Variants in AHDC1 observed in about 807,000 individuals in gnomAD.
The protein encoded by AHDC1 is transcription factor Gibbin.
AHDC1 carries 7 observed loss-of-function variants against 87.9 expected under a neutral mutation model. The observed-to-expected ratio is 0.08, with a 90% CI of 0.05 to 0.15. The LOEUF (loss-of-function observed/expected upper bound fraction) is 0.15, where lower values mean the gene tolerates loss of function less well. Ranked by LOEUF, AHDC1 falls within the 10% of genes least tolerant of loss-of-function variation. AHDC1 has a pLI of 1.00. For missense variants in AHDC1, 1,841 were observed against 2,253.2 expected (o/e 0.82, Z 3.70); for synonymous variants, 1,051 against 1,006.8 (o/e 1.04, Z -0.83).
chr1:27,543,176 A>G (rs2019005297), intron 8 of AHDC1, among the ~76,000 whole-genome samples: 1 of 152,240 alleles, frequency 6.6e-6, no homozygotes, highest in Admixed American at 6.5e-5. Context: ...TCTTGGCCTC[A>G]GGTCAGGCCT....
chr1:27,584,676 T>C (rs1371695469), intron 3 of AHDC1, among the ~76,000 whole-genome samples: 1 of 152,130 alleles, frequency 6.6e-6, no homozygotes, highest in East Asian at 1.9e-4. Flanking sequence ...TAGAGGCTTC[T>C]GAACCACTGA....
chr1:27,541,723 G>A (rs1187614279), intron 8 of AHDC1, among the ~76,000 whole-genome samples: 5 of 150,054 alleles, frequency 3.3e-5, no homozygotes, highest in South Asian at 2.2e-4. Context: ...TCCGCCTCCC[G>A]GGATCAAGCA....
At chr1:27,571,688 A>G (rs963050910) in intron 3 of AHDC1, among the ~76,000 whole-genome samples, 1 of 151,662 alleles carries the variant, frequency 6.6e-6, no homozygotes, top group Non-Finnish European at 1.5e-5. Flanking sequence ...TCGGCCCCCT[A>G]CTTCACCCAA....
In AHDC1 at chr1:27,550,484, T is replaced by C. The variant is rs2148284994; in HGVS notation, c.1632A>G (p.Lys544=). 1 of 1,606,328 alleles carries C rather than the reference T, an allele frequency of 6.2e-7. No individual in the cohort carries two copies. Among genetic ancestry groups the C allele is most frequent in the Non-Finnish European group, 8.5e-7 (1 of 1,174,182 alleles). Residue 544 remains lysine (K), a synonymous_variant, in exon 8 of 9, where the codon AAA becomes AAG. Transcript: ENST00000673934. ...FPPGEMPIIL[K]RKRGRPPKNL... ...TCTTAGGAGGGCGGCCGCGCTTACG[T>C]TTGAGAATAATGGGCATCTCACCGG... is the stretch of plus-strand genomic sequence containing the variant.
chr1:27,574,790 G>A (rs2088657108), intron 3 of AHDC1, among the ~76,000 whole-genome samples: 1 of 152,160 alleles, frequency 6.6e-6, no homozygotes, highest in African/African-American at 2.4e-5. Flanking sequence ...ACAAAGGGCA[G>A]GGTAGACCTC....
At chr1:27,583,202 G>C (rs1251615946) in intron 3 of AHDC1, among the ~76,000 whole-genome samples, 2 of 152,072 alleles carry the variant, frequency 1.3e-5, no homozygotes, top group Non-Finnish European at 2.9e-5. Context: ...TAAGCCTCTC[G>C]AATCTGTCAC....
Position 27,550,163 on chromosome 1 carries a change from G to A in AHDC1, c.1953C>T (p.Asp651=), listed in dbSNP as rs1165632994. 1 of 1,611,392 alleles carries A rather than the reference G, an allele frequency of 6.2e-7. No homozygotes were observed. The highest frequency in any genetic ancestry group is 8.5e-7 in the Non-Finnish European group (1 of 1,179,884). ...GCAGGAAGTGGGAGATGCTCTGGGTGTCGGGGGCCTGGTGCACCGACTCCG... is the reference window on the plus strand; with the variant it reads ...GCAGGAAGTGGGAGATGCTCTGGGTATCGGGGGCCTGGTGCACCGACTCCG... ...SEPESVHQAP[D]TQSISHFLHR... is the part of the protein sequence containing the mutation. The change falls in exon 8 of 9, where the codon GAC becomes GAT. Residue 651 remains aspartate, a synonymous_variant. Coordinates refer to ENST00000673934, the MANE Select transcript of AHDC1 (RefSeq NM_001371928.1).
chr1:27,556,661 G>A (rs181169738), intron 5 of AHDC1, among the ~76,000 whole-genome samples: 49 of 152,250 alleles, frequency 3.2e-4, no homozygotes, highest in Middle Eastern at 3.4e-3. Flanking sequence ...GGCACAGAGA[G>A]GTTAAGTTAT....
At chr1:27,575,245 C>G (rs1299549716) in intron 3 of AHDC1, among the ~76,000 whole-genome samples, 1 of 152,220 alleles carries the variant, frequency 6.6e-6, no homozygotes, top group East Asian at 1.9e-4. Context: ...CCTCCGCCCC[C>G]CTCCCAGATG....
At chr1:27,591,592 T>C (rs1213303911) in intron 3 of AHDC1, among the ~76,000 whole-genome samples, 1 of 152,192 alleles carries the variant, frequency 6.6e-6, no homozygotes, top group Admixed American at 6.5e-5. Context: ...CTGAAGAGTT[T>C]ATGGTGATCA....
At chr1:27,566,463 T>C (rs184416566) in intron 3 of AHDC1, among the ~76,000 whole-genome samples, 119 of 149,272 alleles carry the variant, frequency 8.0e-4, no homozygotes, top group African/African-American at 2.3e-3. Flanking sequence ...GGGGAAGAGA[T>C]GGAGAAGGAA....
At chr1:27,568,780 C>G (rs2020438676) in intron 3 of AHDC1, among the ~76,000 whole-genome samples, 1 of 151,858 alleles carries the variant, frequency 6.6e-6, no homozygotes, top group Admixed American at 6.5e-5. Flanking sequence ...CGGGCCGGGC[C>G]GGGGCGCTCT....
Position 27,551,405 on chromosome 1 carries a change from T to G in AHDC1, c.711A>C (p.Ser237=), listed in dbSNP as rs1296991947. 16 of 1,613,678 alleles carry G rather than the reference T, an allele frequency of 9.9e-6. No individual in the cohort carries two copies. The highest frequency in any genetic ancestry group is 1.3e-5 in the Non-Finnish European group (15 of 1,179,948). The change falls in exon 8 of 9, where the codon TCA becomes TCC. Residue 237 remains serine, a synonymous_variant. Coordinates refer to ENST00000673934, the MANE Select transcript of AHDC1 (RefSeq NM_001371928.1). Reference sequence around the variant, plus strand: ...TAAGGATGTCGGCGTCAGCAAGTTCTGAGTAATCAGTGCTGTCTGGCTCAG... The same window carrying G: ...TAAGGATGTCGGCGTCAGCAAGTTCGGAGTAATCAGTGCTGTCTGGCTCAG... ...PEPEPDSTDY[S]ELADADILSE... is the part of the protein sequence containing the mutation.
In AHDC1 at chr1:27,558,872, G is replaced by A. The variant is rs2019943150; in HGVS notation, c.-617C>T. 2.5e-5 allele frequency: 10 copies of A among 398,676 alleles called. No homozygotes were observed. In the East Asian group the frequency reaches 3.6e-4, roughly 14 times the overall value. 24.7% of individuals were successfully genotyped at this position (398,676 alleles called of 1,614,324 possible). ...TCCAGGCCGATGGGTTGACAATCAG[G>A]CAAGCTCCCATCTGTGGAAGCAAAC... On this transcript the variant is annotated 5_prime_UTR_variant, in exon 4 of 9. Transcript: ENST00000673934. The surrounding 1 kb of genome is among the most constrained non-coding windows in gnomAD (Gnocchi z 5.6).
In AHDC1 at chr1:27,563,767, C is replaced by T. The variant is rs1179852825; in HGVS notation, c.-628-4884G>A. On this transcript the variant is annotated intron_variant, in intron 3 of 8. Coordinates refer to ENST00000673934, the MANE Select transcript of AHDC1 (RefSeq NM_001371928.1). This position sits in a 1 kb window ranked among gnomAD's most constrained non-coding sequence, Gnocchi z 6.1. ...CAGGAGGGGAGGTGCTGTGGCTTCC[C>T]GCCCAGTGGCGGGTGCTGGGGGAGA... Among the ~76,000 whole-genome samples the T allele has an allele frequency of 6.6e-6, 1 of 152,162 alleles. No homozygotes were observed. The highest frequency in any genetic ancestry group is 2.1e-4 in the South Asian group (1 of 4,832).
At chr1:27,578,199 T>G (rs1323538520) in intron 3 of AHDC1, among the ~76,000 whole-genome samples, 1 of 152,248 alleles carries the variant, frequency 6.6e-6, no homozygotes, top group Non-Finnish European at 1.5e-5. Flanking sequence ...GATTCTGAAG[T>G]CTTAATGTAT....
At position 27,592,579 on chromosome 1, in the gene AHDC1, C is replaced by T. The variant is rs529331397; in HGVS notation, c.-629+10818G>A. Among the ~76,000 whole-genome samples, 61 of 152,094 alleles carry T rather than the reference C, an allele frequency of 4.0e-4. No individual in the cohort carries two copies. The South Asian group carries it at 0.01, about 26-fold the overall frequency. On this transcript the variant is annotated intron_variant, in intron 3 of 8. Coordinates refer to ENST00000673934, the MANE Select transcript of AHDC1 (RefSeq NM_001371928.1). Reference sequence around the variant, plus strand: ...TTCCCAAACATCCCCCGCCCTCCCCCCCCCAGGCCCTGCTCTTAGCTGAGC... The same window carrying T: ...TTCCCAAACATCCCCCGCCCTCCCCTCCCCAGGCCCTGCTCTTAGCTGAGC...
chr1:27,557,327 C>T (rs950635069), intron 5 of AHDC1, among the ~76,000 whole-genome samples: 8 of 151,324 alleles, frequency 5.3e-5, no homozygotes, highest in Non-Finnish European at 8.9e-5. Context: ...TTCTGTCTCC[C>T]GGAGGACTCC....
chr1:27,597,343 G>C (rs545442611), intron 3 of AHDC1, among the ~76,000 whole-genome samples: 2,202 of 151,966 alleles, frequency 0.014, 61 homozygotes, highest in African/African-American at 0.05. Flanking sequence ...ATTTGTGTGT[G>C]TGTGTGTGTG....
Sources: allele counts gnomAD v4.1 joint callset (sites outside exome capture counted in the v4.1 genomes callset), GRCh38; gene constraint gnomAD v4.1.1; non-coding constraint Gnocchi (gnomAD v3.1); transcripts MANE v1.5; gene names NCBI Gene and HGNC (gene_info 2026-07-23, HGNC 2026-07-21).